The following NEB variants were observed in gnomAD, a reference collection of about 807,000 sequenced individuals.
The protein encoded by NEB is nebulin, also known as nemaline myopathy type 2.
In NEB, 512 loss-of-function variants were observed where a neutral mutation model predicts 952.2. The observed-to-expected ratio is 0.54, with a 90% CI of 0.50 to 0.58. The LOEUF (loss-of-function observed/expected upper bound fraction) is 0.58, where lower values mean the gene tolerates loss of function less well. NEB is among the 20% of genes least tolerant of loss of function. NEB has a pLI of 0.00. For missense variants in NEB, 8,428 were observed against 9,231.1 expected (o/e 0.91, Z 3.56); for synonymous variants, 2,900 against 3,149.8 (o/e 0.92, Z 2.66).
intron 24 of NEB, chr2:151,690,507 G>A (rs1026096926): frequency 2.3e-6 from 1 of 443,028 alleles, no homozygotes; most frequent in Non-Finnish European, 4.1e-6. Flanking sequence ...AAAAATCAGT[G>A]AGTTATTAAA....
intron 161 of NEB, among the ~76,000 whole-genome samples, chr2:151,511,232 G>A (rs2074009800): frequency 6.6e-6 from 1 of 152,172 alleles, no homozygotes; most frequent in Non-Finnish European, 1.5e-5. Flanking sequence ...GTAATTTGGA[G>A]CCCATATCAT....
In NEB at chr2:151,724,320, C is replaced by G; in HGVS notation, c.552G>C (p.Leu184=). 1 of 1,613,018 alleles carries G rather than the reference C, an allele frequency of 6.2e-7. No homozygotes were observed. The highest frequency in any genetic ancestry group is 8.5e-7 in the Non-Finnish European group (1 of 1,179,532). The change falls in exon 8 of 182, where the codon CTG becomes CTC. Residue 184 remains leucine (L), a synonymous_variant. Transcript: ENST00000397345. Reference sequence around the variant, plus strand: ...CAAGTTCAGGGGCATCAGGAGGAAGCAGGTACTTATCCTTGGTGTCTTCCC... The same window carrying G: ...CAAGTTCAGGGGCATCAGGAGGAAGGAGGTACTTATCCTTGGTGTCTTCCC... ...QNWEDTKDKY[L]LPPDAPELVQ...
chr2:151,546,552 A>C, intron 133 of NEB, 109 bp from the exon 134 acceptor site: 1 of 532,308 alleles, frequency 1.9e-6, no homozygotes, highest in Non-Finnish European at 3.1e-6. Context: ...ATTTTGGTTC[A>C]TCTACTTTTT....
At chr2:151,667,062 C>G (rs551166109) in intron 40 of NEB, among the ~76,000 whole-genome samples, 1 of 151,510 alleles carries the variant, frequency 6.6e-6, no homozygotes, top group Non-Finnish European at 1.5e-5. Flanking sequence ...AACTAAAATC[C>G]TGTTATGTAA....
chr2:151,492,230 C>G lies in NEB; in HGVS notation c.24925G>C (p.Val8309Leu), dbSNP rs1401528056. The change falls in exon 178 of 182, where the codon GTG becomes CTG. Residue 8309 changes from valine to leucine, a missense_variant. Around this residue, in one of 11 missense-constraint regions of NEB, gnomAD observed 3,374 missense variants for 3,651.5 expected, o/e 0.92. Coordinates refer to ENST00000397345, the MANE Select transcript of NEB (RefSeq NM_001164508.2). ...ACTCGTTCAGTGATAGGATCTGTCA[C>G]CACTGGTGTGAAGCAACCCTTGTGT... is the stretch of plus-strand genomic sequence containing the variant. ...EKHKGCFTPVVTDPITERVKK... is the reference protein window; with the variant it reads ...EKHKGCFTPVLTDPITERVKK... 6.2e-7 allele frequency: 1 copy of G among 1,613,944 alleles called. No individual in the cohort carries two copies. Among genetic ancestry groups the G allele is most frequent in the Non-Finnish European group, 8.5e-7 (1 of 1,179,866 alleles).
chr2:151,697,728 A>T, intron 13 of NEB, 80 bp from the exon 14 acceptor site: 1 of 904,354 alleles, frequency 1.1e-6, no homozygotes, highest in South Asian at 1.7e-5. Flanking sequence ...TTCTAACACT[A>T]AACAAAAGAT....
At chr2:151,732,078 T>C (rs1234840879) in intron 3 of NEB, among the ~76,000 whole-genome samples, 1 of 152,188 alleles carries the variant, frequency 6.6e-6, no homozygotes, top group Non-Finnish European at 1.5e-5. Flanking sequence ...AAGAGAAATT[T>C]TGGCACTGCC....
In NEB at chr2:151,706,831, A is replaced by C. The variant is rs368668412; in HGVS notation, c.1152+50T>G. 4 of 1,337,590 alleles carry C rather than the reference A, an allele frequency of 3.0e-6. No individual in the cohort carries two copies. The African/African-American group carries it at 4.4e-5, about 15-fold the overall frequency. The allele number at this position is 1,337,590 out of a possible 1,614,324, so 82.9% of individuals were successfully genotyped here. On this transcript the variant is annotated intron_variant, in intron 13 of 181. Coordinates refer to ENST00000397345, the MANE Select transcript of NEB (RefSeq NM_001164508.2). ...TTAGTCATTAAAGGAGAAAATTTTC[A>C]TCTCTTTTGCAGCTAAGGTTTAAAA...
chr2:151,697,738 T>C, intron 13 of NEB, 90 bp from the exon 14 acceptor site: 1 of 860,634 alleles, frequency 1.2e-6, no homozygotes, highest in Non-Finnish European at 1.8e-6. Flanking sequence ...AAACAAAAGA[T>C]GAAGAAAAGA....
chr2:151,662,394 T>A, intron 45 of NEB, 53 bp from the exon 46 acceptor site: 1 of 1,426,938 alleles, frequency 7.0e-7, no homozygotes, highest in Non-Finnish European at 9.5e-7. Flanking sequence ...TTCCCAAGAA[T>A]CCTAAGTGTG....
At chr2:151,727,294 T>G (rs2099794385) in intron 5 of NEB, among the ~76,000 whole-genome samples, 1 of 152,186 alleles carries the variant, frequency 6.6e-6, no homozygotes, top group South Asian at 2.1e-4. Context: ...CATACCTTTT[T>G]ATATGCTGTT....
intron 9 of NEB, among the ~76,000 whole-genome samples, chr2:151,722,357 C>G (rs749939967): frequency 5.9e-5 from 9 of 152,176 alleles, no homozygotes; most frequent in Non-Finnish European, 1.3e-4. Flanking sequence ...GGTTTCAAGC[C>G]TAAGGACTCT....
At chr2:151,641,573 C>CT (rs1466097433) in intron 60 of NEB, among the ~76,000 whole-genome samples, 4 of 152,156 alleles carry the variant, frequency 2.6e-5, no homozygotes, top group African/African-American at 9.7e-5. Flanking sequence ...TTAAGTGATC[C>CT]TCCCGCCTTG....
At chr2:151,576,814 C>T (rs748842263) in intron 105 of NEB, among the ~76,000 whole-genome samples, 1 of 151,964 alleles carries the variant, frequency 6.6e-6, no homozygotes, top group Non-Finnish European at 1.5e-5. Context: ...GGATTACAGG[C>T]ATGAGCCACT....
At position 151,507,772 on chromosome 2, in the gene NEB, A is replaced by G. The variant is rs951023735; in HGVS notation, c.23451+233T>C. On this transcript the variant is annotated intron_variant, in intron 162 of 181. Coordinates refer to ENST00000397345, the MANE Select transcript of NEB (RefSeq NM_001164508.2). ...TTGCCATGGGTGAGGAAAAGATACT[A>G]TATTTTCTCCCCAATACCACCAACG... The G allele has an allele frequency of 5.4e-5, 26 of 482,634 alleles. No individual in the cohort carries two copies. The South Asian group carries it at 6.5e-4, about 12-fold the overall frequency. 29.9% of individuals were successfully genotyped at this position (482,634 alleles called of 1,614,324 possible). A position where few individuals can be genotyped will look rare whatever the true frequency, so the allele number is the denominator to read the frequency against.
Position 151,562,222 on chromosome 2 carries a change from A to G in NEB, c.18892-8T>C, listed in dbSNP as rs1352172003. On this transcript the variant is annotated splice_region_variant and splice_polypyrimidine_tract_variant and intron_variant, in intron 120 of 181. Coordinates refer to ENST00000397345, the MANE Select transcript of NEB (RefSeq NM_001164508.2). Reference sequence around the variant, plus strand: ...GTCATCTTTATACACATTCTGCAAGAAAGAGAGAACAATGAAATGTGGAAG... The same window carrying G: ...GTCATCTTTATACACATTCTGCAAGGAAGAGAGAACAATGAAATGTGGAAG... 1 of 1,590,180 alleles carries G rather than the reference A, an allele frequency of 6.3e-7. No individual in the cohort carries two copies. Among genetic ancestry groups the G allele is most frequent in the Admixed American group, 1.7e-5 (1 of 59,984 alleles).
chr2:151,503,656 T>C (rs1268342630), intron 165 of NEB, among the ~76,000 whole-genome samples: 1 of 152,214 alleles, frequency 6.6e-6, no homozygotes, highest in African/African-American at 2.4e-5. Context: ...CACTAAATTA[T>C]GCATTTTCTG....
chr2:151,724,415 T>A, intron 7 of NEB, 51 bp from the exon 8 acceptor site: 1 of 1,395,238 alleles, frequency 7.2e-7, no homozygotes. Context: ...CCCAAAGGCA[T>A]GAGGATTTAA....
rs758739517 is a variant in NEB, at chr2:151,633,950, C to T, written c.9118G>A (p.Gly3040Ser). The T allele has an allele frequency of 1.6e-5, 25 of 1,612,632 alleles. No individual in the cohort carries two copies. The South Asian group carries it at 2.6e-4, about 17-fold the overall frequency. ...DIISDYKYKD[G>S]YCKQLGHHIG... is the part of the protein sequence containing the mutation. ...TGGTGGCCAAGTTGCTTGCAGTAAC[C>T]ATCTTTATATTTGTACTAAAATGAA... Residue 3040 changes from glycine (G) to serine (S), a missense_variant, in exon 65 of 182, where the codon GGT (glycine) becomes AGT (serine). Physicochemically the swap from Gly to Ser is moderately conservative, Grantham distance 56. This residue lies in a region of NEB where 1,772 missense variants were observed against 1,960.3 expected (regional missense o/e 0.90). Coordinates refer to ENST00000397345, the MANE Select transcript of NEB (RefSeq NM_001164508.2).
Sources: gnomAD v4.1 joint callset for allele counts (sites outside exome capture counted in the v4.1 genomes callset) on GRCh38, gnomAD v4.1.1 for gene constraint, gnomAD v4.1.1 regional missense constraint, MANE v1.5 for transcripts, NCBI Gene and HGNC (gene_info 2026-07-23, HGNC 2026-07-21) for gene names.